SLC38A4: variants seen among roughly 807,000 people sequenced by gnomAD.
SLC38A4 encodes solute carrier family 38 member 4.
A neutral mutation model predicts 63.1 loss-of-function variants in SLC38A4; 20 were observed. That is an observed-to-expected ratio of 0.32 (90% CI 0.22 to 0.46). The LOEUF (loss-of-function observed/expected upper bound fraction) is 0.46. Ranked by LOEUF, SLC38A4 falls within the 20% of genes least tolerant of loss-of-function variation. The pLI, the probability that SLC38A4 is intolerant of heterozygous loss-of-function variation, is 1.00. For synonymous variants in SLC38A4, 230 were observed against 225.5 expected (o/e 1.02, Z -0.18); for missense variants, 526 against 663.6 (o/e 0.79, Z 2.28).
intron 1 of SLC38A4, among the ~76,000 whole-genome samples, chr12:46,807,582 G>A (rs1395317693): frequency 1.3e-5 from 2 of 151,874 alleles, no homozygotes; most frequent in Non-Finnish European, 2.9e-5. Flanking sequence ...TGATGTCATT[G>A]TTTTGGCACT....
intron 2 of SLC38A4, among the ~76,000 whole-genome samples, chr12:46,801,046 A>T (rs1367502445): frequency 6.6e-6 from 1 of 152,140 alleles, no homozygotes; most frequent in Admixed American, 6.6e-5. Flanking sequence ...TCTCTAATAC[A>T]AAGAGGTCTC....
intron 7 of SLC38A4, among the ~76,000 whole-genome samples, chr12:46,783,939 T>TA (rs907189643): frequency 4.6e-5 from 7 of 151,982 alleles, no homozygotes; most frequent in Non-Finnish European, 8.8e-5. Context: ...AGAACATTGT[T>TA]AAAAATATAT....
chr12:46,817,599 A>G (rs182258339), intron 1 of SLC38A4, among the ~76,000 whole-genome samples: 192 of 151,918 alleles, frequency 1.3e-3, no homozygotes, highest in African/African-American at 4.5e-3. Context: ...ACCCAGTTCT[A>G]AGGCCTTACC....
At chr12:46,805,085 T>C (rs1471274885) in intron 1 of SLC38A4, among the ~76,000 whole-genome samples, 1 of 152,024 alleles carries the variant, frequency 6.6e-6, no homozygotes, top group African/African-American at 2.4e-5. Flanking sequence ...AATATGTTAA[T>C]TTGATATTAA....
In SLC38A4 at chr12:46,775,141, T is replaced by C; in HGVS notation, c.1207A>G (p.Ser403Gly). The change falls in exon 14 of 17, where the codon AGC (serine) becomes GGC (glycine). Residue 403 changes from serine (S) to glycine (G), a missense_variant. Ser to Gly is a moderately conservative substitution (Grantham distance 56). Coordinates refer to ENST00000266579, the MANE Select transcript of SLC38A4 (RefSeq NM_018018.5). Reference sequence around the variant, plus strand: ...GGGATGTCTAATGTATACACTTTGCTGTAGGCATGAAGTAATTCATCTTCA... The same window carrying C: ...GGGATGTCTAATGTATACACTTTGCCGTAGGCATGAAGTAATTCATCTTCA... ...EVEDELLHAY[S>G]KVYTLDIPLL... 1 of 1,612,276 alleles carries C rather than the reference T, an allele frequency of 6.2e-7. No homozygotes were observed. Among genetic ancestry groups the C allele is most frequent in the Non-Finnish European group, 8.5e-7 (1 of 1,178,958 alleles).
intron 1 of SLC38A4, among the ~76,000 whole-genome samples, chr12:46,818,427 T>A (rs1046282490): frequency 2.6e-5 from 4 of 151,948 alleles, no homozygotes; most frequent in African/African-American, 9.7e-5. Flanking sequence ...GAAAAGCAAG[T>A]AAATTGTTCC....
intron 1 of SLC38A4, among the ~76,000 whole-genome samples, chr12:46,813,997 C>A (rs1295313600): frequency 6.6e-6 from 1 of 151,984 alleles, no homozygotes; most frequent in African/African-American, 2.4e-5. Flanking sequence ...TAAGTAAAGT[C>A]ATGCAAATAT....
chr12:46,767,345 T>C (rs1938322141), intron 16 of SLC38A4, among the ~76,000 whole-genome samples: 1 of 151,978 alleles, frequency 6.6e-6, no homozygotes, highest in African/African-American at 2.4e-5. Context: ...AGAAGAGGCC[T>C]TACATTTTAT....
chr12:46,803,995 T>C (rs1323830660), intron 1 of SLC38A4, among the ~76,000 whole-genome samples: 1 of 152,040 alleles, frequency 6.6e-6, no homozygotes, highest in East Asian at 1.9e-4. Context: ...AAATATTCCG[T>C]TTTCAAAAGA....
chr12:46,773,545 A>G (rs1397659792), intron 14 of SLC38A4, among the ~76,000 whole-genome samples: 4 of 152,122 alleles, frequency 2.6e-5, no homozygotes, highest in Non-Finnish European at 5.9e-5. Context: ...TAATGTTTAC[A>G]CACTATTGCT....
upstream of SLC38A4, among the ~76,000 whole-genome samples, chr12:46,828,605 G>A (rs1168882866): frequency 6.6e-6 from 1 of 152,202 alleles, no homozygotes; most frequent in Non-Finnish European, 1.5e-5. Flanking sequence ...TTACAGGCAT[G>A]AGCCACGGTG....
rs1468753684 is a variant in SLC38A4 at position 46,775,145 on chromosome 12, G to A, written c.1203C>T (p.Ala401=). ...YGEVEDELLH[A]YSKVYTLDIP... is the part of the protein sequence containing the mutation. ...TGTCTAATGTATACACTTTGCTGTA[G>A]GCATGAAGTAATTCATCTTCAACTT... is the stretch of plus-strand genomic sequence containing the variant. Residue 401 remains alanine, a synonymous_variant, in exon 14 of 17, where the codon GCC becomes GCT. Coordinates refer to ENST00000266579, the MANE Select transcript of SLC38A4 (RefSeq NM_018018.5). 8 of 1,611,692 alleles carry A rather than the reference G, an allele frequency of 5.0e-6. No individual in the cohort carries two copies. The highest frequency in any genetic ancestry group is 6.8e-6 in the Non-Finnish European group (8 of 1,178,764).
At chr12:46,790,660 T>C (rs1938865526) in intron 3 of SLC38A4, among the ~76,000 whole-genome samples, 1 of 152,172 alleles carries the variant, frequency 6.6e-6, no homozygotes, top group Non-Finnish European at 1.5e-5. Context: ...AATTTGAAAG[T>C]AAACAGATTT....
chr12:46,778,865 G>C, intron 10 of SLC38A4, 89 bp from the exon 11 acceptor site: 2 of 1,199,022 alleles, frequency 1.7e-6, no homozygotes, highest in Non-Finnish European at 1.2e-6. Flanking sequence ...TTATAGGGTG[G>C]GGGGTGAGGG....
chr12:46,786,795 G>A (rs543720747), intron 5 of SLC38A4, among the ~76,000 whole-genome samples: 3 of 152,132 alleles, frequency 2.0e-5, no homozygotes, highest in Non-Finnish European at 4.4e-5. Flanking sequence ...AATATTTATA[G>A]TCCTGATGCT....
chr12:46,785,800 G>A (rs1286073853), intron 5 of SLC38A4, among the ~76,000 whole-genome samples: 1 of 122,356 alleles, frequency 8.2e-6, no homozygotes, highest in Non-Finnish European at 1.6e-5. Context: ...ACCCCCACAT[G>A]CATGTATGGT....
intron 5 of SLC38A4, among the ~76,000 whole-genome samples, 177 bp from the exon 6 acceptor site, chr12:46,785,354 C>T (rs552944257): frequency 5.9e-5 from 9 of 151,400 alleles, no homozygotes; most frequent in African/African-American, 9.7e-5. Context: ...CCTTTAAAGT[C>T]GTAGAAATAG....
At position 46,765,966 on chromosome 12, in the gene SLC38A4, T is replaced by C. The variant is rs979576007; in HGVS notation, c.*735A>G. On this transcript the variant is annotated 3_prime_UTR_variant, in exon 17 of 17. Transcript: ENST00000266579. Reference sequence around the variant, plus strand: ...CAGATGCTTTCTAGAACAGGCAGTTTAGCTATAAGCATTATTTTTGTTGTT... The same window carrying C: ...CAGATGCTTTCTAGAACAGGCAGTTCAGCTATAAGCATTATTTTTGTTGTT... 2 of 157,686 alleles carry C rather than the reference T, an allele frequency of 1.3e-5. No homozygotes were observed. Among genetic ancestry groups the C allele is most frequent in the Non-Finnish European group, 2.8e-5 (2 of 71,314 alleles). 9.8% of individuals were successfully genotyped at this position (157,686 alleles called of 1,614,324 possible).
rs533996530 is a variant in SLC38A4 at position 46,780,333 on chromosome 12, T to C, written c.494-303A>G. ...ATTAGTTATAAATCAACATAGCCCA[T>C]ACTCAGTGTGCCTGTGTTAGTGTCT... is the stretch of plus-strand genomic sequence containing the variant. On this transcript the variant is annotated intron_variant, in intron 7 of 16. Coordinates refer to ENST00000266579, the MANE Select transcript of SLC38A4 (RefSeq NM_018018.5). Among the ~76,000 whole-genome samples the C allele has an allele frequency of 1.5e-4, 23 of 152,108 alleles. No homozygotes were observed. The South Asian group carries it at 2.9e-3, about 19-fold the overall frequency.
Sources: allele counts gnomAD v4.1 joint callset (sites outside exome capture counted in the v4.1 genomes callset), GRCh38; gene constraint gnomAD v4.1.1; transcripts MANE v1.5; gene names NCBI Gene and HGNC (gene_info 2026-07-23, HGNC 2026-07-21).